The following RBFOX1 variants were observed in gnomAD, a reference collection of about 807,000 sequenced individuals.
RBFOX1 encodes RNA binding protein fox-1 homolog 1.
A neutral mutation model predicts 57.7 loss-of-function variants in RBFOX1; 8 were observed. The observed-to-expected ratio is 0.14, with a 90% CI of 0.08 to 0.25. The LOEUF is 0.25. Ranked by LOEUF, RBFOX1 falls within the 10% of genes least tolerant of loss-of-function variation. RBFOX1 has a pLI of 1.00. For missense variants in RBFOX1, 611 were observed against 548.5 expected, an observed-to-expected ratio of 1.11 and a Z score of -1.14; for synonymous variants, 326 against 222.4, an observed-to-expected ratio of 1.47 and a Z score of -4.15.
chr16:6,966,510 G>T (rs2084199324), intron 3 of RBFOX1, among the ~76,000 whole-genome samples: 1 of 152,084 alleles, frequency 6.6e-6, no homozygotes, highest in Admixed American at 6.6e-5. Flanking sequence ...TGGCGAGAGG[G>T]GCGGACGGGG....
intron 3 of RBFOX1, among the ~76,000 whole-genome samples, chr16:5,704,592 C>G (rs1268580339): frequency 1.3e-5 from 2 of 152,236 alleles, no homozygotes; most frequent in Non-Finnish European, 2.9e-5. Context: ...ATTTACCCCT[C>G]TTCCCTCAAG....
At chr16:7,564,317 A>G (rs1281689895) in intron 5 of RBFOX1, among the ~76,000 whole-genome samples, 1 of 151,846 alleles carries the variant, frequency 6.6e-6, no homozygotes, top group East Asian at 1.9e-4. Flanking sequence ...AGGTGGGTAG[A>G]TCGCGAGGTC....
intron 1 of RBFOX1, among the ~76,000 whole-genome samples, chr16:5,373,459 C>A (rs532404278): frequency 6.6e-6 from 1 of 152,068 alleles, no homozygotes; most frequent in Non-Finnish European, 1.5e-5. Flanking sequence ...TAGCACCTCT[C>A]CCTTCACTTT....
At chr16:7,340,282 T>C (rs984241313) in intron 4 of RBFOX1, among the ~76,000 whole-genome samples, 1 of 152,228 alleles carries the variant, frequency 6.6e-6, no homozygotes, top group African/African-American at 2.4e-5. Context: ...TTCTCCCCCA[T>C]AACTTTGCAC....
At chr16:5,252,018 C>A (rs1371204926) in intron 1 of RBFOX1, among the ~76,000 whole-genome samples, 2 of 152,162 alleles carry the variant, frequency 1.3e-5, no homozygotes, top group African/African-American at 4.8e-5. Context: ...GAAGCTAGGC[C>A]TGGCTGTAGC....
At chr16:5,885,686 A>T (rs981545608) in intron 4 of RBFOX1, among the ~76,000 whole-genome samples, 28 of 152,310 alleles carry the variant, frequency 1.8e-4, no homozygotes, top group Admixed American at 1.7e-3. Flanking sequence ...ACTTGTATGG[A>T]CGCCAAAATA....
chr16:6,305,212 G>A (rs984257020), intron 1 of RBFOX1, among the ~76,000 whole-genome samples: 60 of 152,280 alleles, frequency 3.9e-4, no homozygotes, highest in African/African-American at 1.3e-3. Flanking sequence ...AGCAAATATA[G>A]CACAACTGCC....
chr16:5,673,511 G>T (rs544655445), intron 3 of RBFOX1, among the ~76,000 whole-genome samples: 1 of 152,280 alleles, frequency 6.6e-6, no homozygotes, highest in East Asian at 1.9e-4. Context: ...CCTCAGCAGG[G>T]TCTCGCTTGG....
intron 3 of RBFOX1, among the ~76,000 whole-genome samples, chr16:5,838,924 G>T (rs139991750): frequency 6.6e-6 from 1 of 152,170 alleles, no homozygotes; most frequent in Admixed American, 6.5e-5. Flanking sequence ...GACTTTGAGA[G>T]GTGTGCTTCT....
chr16:5,882,519 A>T (rs1210960307), intron 4 of RBFOX1, among the ~76,000 whole-genome samples: 1 of 152,168 alleles, frequency 6.6e-6, no homozygotes, highest in Admixed American at 6.5e-5. Context: ...ACAAATTTTG[A>T]TGAACTCAGA....
intron 3 of RBFOX1, among the ~76,000 whole-genome samples, chr16:6,979,218 C>A (rs950798045): frequency 6.6e-6 from 1 of 151,998 alleles, no homozygotes; most frequent in South Asian, 2.1e-4. Context: ...CTCAGTTTTC[C>A]CACCTGTAAG....
intron 4 of RBFOX1, among the ~76,000 whole-genome samples, chr16:5,943,821 C>T (rs967110522): frequency 6.6e-6 from 1 of 152,168 alleles, no homozygotes; most frequent in South Asian, 2.1e-4. Flanking sequence ...ACCCACTCAC[C>T]CATCCATCGA....
intron 4 of RBFOX1, among the ~76,000 whole-genome samples, chr16:7,237,812 C>T (rs1603429325): frequency 2.0e-5 from 3 of 152,190 alleles, no homozygotes; most frequent in Admixed American, 2.0e-4. Context: ...TTGAGACCAG[C>T]ATGGCCAACG....
chr16:6,460,230 C>G, intron 2 of RBFOX1, among the ~76,000 whole-genome samples: 1 of 151,930 alleles, frequency 6.6e-6, no homozygotes, highest in Non-Finnish European at 1.5e-5. Flanking sequence ...TTGGCTTGTA[C>G]GTGGCCATCT....
At chr16:7,226,394 C>T (rs1380941277) in intron 4 of RBFOX1, among the ~76,000 whole-genome samples, 2 of 152,154 alleles carry the variant, frequency 1.3e-5, no homozygotes, top group Non-Finnish European at 2.9e-5. Flanking sequence ...GTGTAAGGGA[C>T]TAATGTCCAC....
intron 1 of RBFOX1, among the ~76,000 whole-genome samples, chr16:6,144,530 C>T (rs2096742978): frequency 6.6e-6 from 1 of 152,216 alleles, no homozygotes; most frequent in Admixed American, 6.5e-5. Context: ...ATTACAGTAA[C>T]TAAGTGAAAC....
intron 3 of RBFOX1, among the ~76,000 whole-genome samples, chr16:5,766,168 A>G (rs548198941): frequency 1.4e-4 from 21 of 152,314 alleles, no homozygotes; most frequent in Admixed American, 1.2e-3. Flanking sequence ...TTCCAGGACT[A>G]TTAGGAACTT....
In RBFOX1 at chr16:7,380,888, C is replaced by T. The variant is rs867401942; in HGVS notation, c.28-137259C>T. 1.3e-4 allele frequency among the ~76,000 whole-genome samples: 20 copies of T among 152,264 alleles called. No individual in the cohort carries two copies. The Middle Eastern group carries it at 0.01, about 78-fold the overall frequency. On this transcript the variant is annotated intron_variant, in intron 4 of 15. Transcript: ENST00000550418. ...CAAGATGTTAGTGTTTTTCAAGAAT[C>T]GCAGGCTTTTTAAATGTCCTCCGTA...
intron 2 of RBFOX1, among the ~76,000 whole-genome samples, chr16:6,365,727 G>A (rs930163185): frequency 4.6e-5 from 7 of 152,170 alleles, no homozygotes; most frequent in Admixed American, 4.6e-4. Context: ...TTAGGTCTGA[G>A]CACCATGTGC....
Sources: allele counts gnomAD v4.1 joint callset (sites outside exome capture counted in the v4.1 genomes callset), GRCh38; gene constraint gnomAD v4.1.1; transcripts MANE v1.5; gene names NCBI Gene and HGNC (gene_info 2026-07-23, HGNC 2026-07-21).